ERMP1: variants seen among roughly 807,000 people sequenced by gnomAD.
The protein encoded by ERMP1 is endoplasmic reticulum metallopeptidase 1, also known as Felix-ina.
A neutral mutation model predicts 92.0 loss-of-function variants in ERMP1; 86 were observed. The ratio of observed to expected loss-of-function variants is 0.93; its 90% CI spans 0.79 to 1.12. ERMP1 has a LOEUF of 1.12. Among genes scored for constraint, ERMP1 ranks in the 50% most tolerant of loss-of-function variants. ERMP1 has a pLI of 0.00. For synonymous variants in ERMP1, 530 were observed against 412.8 expected, an observed-to-expected ratio of 1.28 and a Z score of -3.44; for missense variants, 1,342 against 1,116.3, an observed-to-expected ratio of 1.20 and a Z score of -2.88.
intron 13 of ERMP1, among the ~76,000 whole-genome samples, chr9:5,788,792 A>G (rs1828045424): frequency 1.3e-5 from 2 of 152,208 alleles, no homozygotes; most frequent in South Asian, 4.1e-4. Context: ...GGGATATTTA[A>G]AACCCCACCA....
At chr9:5,787,336 A>G in intron 14 of ERMP1, 28 bp from the exon 15 acceptor site, 1 of 1,606,506 alleles carries the variant, frequency 6.2e-7, no homozygotes, top group Non-Finnish European at 8.5e-7. Flanking sequence ...TTAGTTCTCC[A>G]GTTCTCAGAA....
chr9:5,826,638 T>C (rs1669946575), intron 2 of ERMP1, among the ~76,000 whole-genome samples: 1 of 152,226 alleles, frequency 6.6e-6, no homozygotes, highest in African/African-American at 2.4e-5. Context: ...GATTACTGGT[T>C]TGTATTTCAA....
chr9:5,852,448 C>A (rs1232469228), intron 6 of ERMP1, among the ~76,000 whole-genome samples: 1 of 151,630 alleles, frequency 6.6e-6, no homozygotes, highest in Non-Finnish European at 1.5e-5. Flanking sequence ...TAGAGATGGT[C>A]TTTTGCCATG....
At position 5,823,192 on chromosome 9, in the gene ERMP1, G is replaced by C. The variant is rs532054121; in HGVS notation, c.874+704C>G. Among the ~76,000 whole-genome samples the C allele has an allele frequency of 3.9e-5, 6 of 152,158 alleles. No homozygotes were observed. In the South Asian group the frequency reaches 1.2e-3, roughly 32 times the overall value. The stretch of plus-strand genomic sequence containing the variant: ...CCCAGCAACTCAGGAAACTGAGACA[G>C]GAGAACCACTTGAACCCAGGAGGTC... On this transcript the variant is annotated intron_variant, in intron 4 of 14. Coordinates refer to ENST00000339450, the MANE Select transcript of ERMP1 (RefSeq NM_024896.3).
In ERMP1 at chr9:5,861,170, G is replaced by GGGGTGTGT. The variant is rs1554630170; in HGVS notation, n.3056-1560_3056-1559insACACACCC. ...GCAGTGAACCCACAATGGCTTAGGG[G>GGGGTGTGT]GTGTGTGTGTGTGTGTGTGTGTGTG... is the stretch of plus-strand genomic sequence containing the variant. On this transcript the variant is annotated intron_variant and non_coding_transcript_variant, in intron 5 of 6. Transcript: ENST00000690753. Among the ~76,000 whole-genome samples, 13 of 102,140 alleles carry GGGGTGTGT rather than the reference G, an allele frequency of 1.3e-4. No individual in the cohort carries two copies. In the East Asian group the frequency reaches 3.1e-3, roughly 24 times the overall value. 67.0% of individuals were successfully genotyped at this position (102,140 alleles called of 152,430 possible).
chr9:5,794,684 C>G (rs1828342875), intron 13 of ERMP1, among the ~76,000 whole-genome samples: 1 of 152,036 alleles, frequency 6.6e-6, no homozygotes, highest in Non-Finnish European at 1.5e-5. Flanking sequence ...CACAATCTGC[C>G]AAAGTTCACA....
rs1169864837 is a variant in ERMP1, at chr9:5,823,939, T to G, written c.831A>C (p.Leu277=). Residue 277 remains leucine (L), a synonymous_variant, in exon 4 of 15, where the codon CTA becomes CTC. Transcript: ENST00000339450. ...CTTTCCCTCCTACACCTGCTGCCTC[T>G]AGGTTAATGAATGCACGAATCAAGC... ...WASLIRAFIN[L]EAAGVGGKEL... The G allele has an allele frequency of 6.2e-7, 1 of 1,614,096 alleles. No individual in the cohort carries two copies. The highest frequency in any genetic ancestry group is 1.3e-5 in the African/African-American group (1 of 75,034).
At chr9:5,854,214 C>G (rs1481181894) in intron 6 of ERMP1, among the ~76,000 whole-genome samples, 1 of 151,730 alleles carries the variant, frequency 6.6e-6, no homozygotes, top group Non-Finnish European at 1.5e-5. Context: ...TATCTAGGTG[C>G]TAGAAAGAGA....
chr9:5,864,137 T>C (rs891420523), intron 5 of ERMP1, among the ~76,000 whole-genome samples: 7 of 152,238 alleles, frequency 4.6e-5, no homozygotes, highest in African/African-American at 1.7e-4. Flanking sequence ...ATTTGACTGT[T>C]GGAAATTGGT....
chr9:5,861,876 T>A (rs920169777), intron 5 of ERMP1, among the ~76,000 whole-genome samples: 6 of 152,002 alleles, frequency 3.9e-5, no homozygotes, highest in African/African-American at 1.5e-4. Context: ...TCTCTTTTCA[T>A]GGGGCCAGTT....
chr9:5,815,602 T>G (rs1297576318), intron 4 of ERMP1, among the ~76,000 whole-genome samples: 1 of 151,848 alleles, frequency 6.6e-6, no homozygotes, highest in South Asian at 2.1e-4. Flanking sequence ...TAGCATTTGG[T>G]AAACATTGTA....
intron 4 of ERMP1, among the ~76,000 whole-genome samples, chr9:5,819,780 C>T (rs1211158506): frequency 2.6e-5 from 4 of 152,036 alleles, no homozygotes; most frequent in Admixed American, 2.0e-4. Flanking sequence ...CAAACAATCA[C>T]GTGTTGTATG....
chr9:5,828,249 G>C (rs1829801282), intron 2 of ERMP1, among the ~76,000 whole-genome samples: 1 of 152,210 alleles, frequency 6.6e-6, no homozygotes. Flanking sequence ...TTTGTAAAGA[G>C]TAACTGAATA....
At chr9:5,811,573 C>T (rs569284622) in intron 6 of ERMP1, among the ~76,000 whole-genome samples, 4 of 152,298 alleles carry the variant, frequency 2.6e-5, no homozygotes, top group South Asian at 2.1e-4. Flanking sequence ...TCCACTCAGA[C>T]GCTCAGCCAA....
At position 5,811,114 on chromosome 9, in the gene ERMP1, T is replaced by A. The variant is rs745308242; in HGVS notation, c.1324A>T (p.Lys442Ter). Residue 442 changes from lysine to a stop codon, truncating the protein, a stop_gained, in exon 7 of 15, where the codon AAG becomes TAG. Coordinates refer to ENST00000339450, the MANE Select transcript of ERMP1 (RefSeq NM_024896.3). LOFTEE classifies it high-confidence loss of function. ...LGKKFLQPKHKTGNYKKDFLC... is the reference protein window; with the variant it reads ...LGKKFLQPKH ...AGTTTTAGAGGAAAATACTTACTCTTATGTTTGGGCTGCAAAAATTTTTTG... is the reference window on the plus strand; with the variant it reads ...AGTTTTAGAGGAAAATACTTACTCTAATGTTTGGGCTGCAAAAATTTTTTG... 1 of 1,608,488 alleles carries A rather than the reference T, an allele frequency of 6.2e-7. No homozygotes were observed. Among genetic ancestry groups the A allele is most frequent in the South Asian group, 1.1e-5 (1 of 90,922 alleles).
intron 14 of ERMP1, 27 bp downstream of exon 14, chr9:5,787,403 A>C: frequency 6.2e-7 from 1 of 1,609,242 alleles, no homozygotes; most frequent in African/African-American, 1.3e-5. Flanking sequence ...CTAATCAATG[A>C]AACAAACAAT....
At chr9:5,806,739 C>G (rs938617369) in intron 8 of ERMP1, among the ~76,000 whole-genome samples, 12 of 152,164 alleles carry the variant, frequency 7.9e-5, no homozygotes, top group Non-Finnish European at 1.5e-5. Flanking sequence ...TGTGCCTGGC[C>G]TAATATGAAC....
At chr9:5,833,310 C>T (rs1830033118), upstream of ERMP1, among the ~76,000 whole-genome samples, 1 of 152,180 alleles carries the variant, frequency 6.6e-6, no homozygotes, top group Non-Finnish European at 1.5e-5. Flanking sequence ...AATGTAAAGA[C>T]ACCTAAAAAC....
intron 4 of ERMP1, among the ~76,000 whole-genome samples, chr9:5,815,537 T>G (rs957661679): frequency 6.6e-6 from 1 of 150,438 alleles, no homozygotes; most frequent in African/African-American, 2.4e-5. Flanking sequence ...CCTTCCTTCT[T>G]GCAGAATTCC....
Sources: gnomAD v4.1 joint callset for allele counts (sites outside exome capture counted in the v4.1 genomes callset) on GRCh38, gnomAD v4.1.1 for gene constraint, MANE v1.5 for transcripts, NCBI Gene and HGNC (gene_info 2026-07-23, HGNC 2026-07-21) for gene names.